Variants in PTPRQ observed in about 807,000 individuals in gnomAD.
The protein encoded by PTPRQ is protein tyrosine phosphatase receptor type Q.
In PTPRQ, 199 loss-of-function variants were observed where a neutral mutation model predicts 246.0. The observed-to-expected ratio is 0.81, with a 90% CI of 0.72 to 0.91. The LOEUF is 0.91. PTPRQ is among the 40% of genes least tolerant of loss of function. PTPRQ has a pLI of 0.00. For synonymous variants in PTPRQ, 869 were observed against 853.2 expected, an observed-to-expected ratio of 1.02 and a Z score of -0.32; for missense variants, 2,624 against 2,528.4, an observed-to-expected ratio of 1.04 and a Z score of -0.81.
At chr12:80,475,032 C>G (rs1043845119) in intron 8 of PTPRQ, among the ~76,000 whole-genome samples, 1 of 152,116 alleles carries the variant, frequency 6.6e-6, no homozygotes, top group African/African-American at 2.4e-5. Context: ...TCAAAATATA[C>G]TTCTAAAGAA....
chr12:80,463,688 C>G (rs1378366906), intron 6 of PTPRQ, among the ~76,000 whole-genome samples: 2 of 151,564 alleles, frequency 1.3e-5, no homozygotes, highest in Non-Finnish European at 2.9e-5. Context: ...ACCCTAGAAG[C>G]CAGAAGAGAG....
At chr12:80,558,168 C>CTTTTCTTTTCTTTTCTTTTCTTTTCT (rs71094987) in intron 25 of PTPRQ, among the ~76,000 whole-genome samples, 3 of 35,226 alleles carry the variant, frequency 8.5e-5, no homozygotes, top group South Asian at 1.4e-3. Flanking sequence ...CTTTTCTTTT[C>CTTTTCTTTTCTTTTCTTTTCTTTTCT]TTTCTTTTCT....
chr12:80,616,142 TAC>T (rs956055760), intron 29 of PTPRQ, 56 bp from the exon 30 acceptor site: 58 of 1,225,564 alleles, frequency 4.7e-5, no homozygotes, highest in South Asian at 1.2e-4. Flanking sequence ...TATATATATA[TAC>T]ACACACATAC....
intron 24 of PTPRQ, chr12:80,546,913 A>T (rs1403940816): frequency 2.2e-6 from 1 of 454,766 alleles, no homozygotes; most frequent in African/African-American, 2.1e-5. Context: ...CCTTTTGAAC[A>T]GAGGAAGTTG....
intron 8 of PTPRQ, among the ~76,000 whole-genome samples, chr12:80,475,673 G>GT (rs1893788302): frequency 1.3e-5 from 2 of 151,870 alleles, no homozygotes; most frequent in South Asian, 4.1e-4. Flanking sequence ...AAAAAGATAA[G>GT]TTTATAGTCA....
intron 25 of PTPRQ, among the ~76,000 whole-genome samples, chr12:80,553,117 AATTCATT>A (rs941869466): frequency 6.6e-6 from 1 of 152,084 alleles, no homozygotes; most frequent in Non-Finnish European, 1.5e-5. Context: ...TTTCTTCTAA[AATTCATT>A]ATTTTTCATA....
intron 25 of PTPRQ, among the ~76,000 whole-genome samples, chr12:80,557,975 C>T (rs1009200273): frequency 1.3e-5 from 2 of 151,904 alleles, no homozygotes; most frequent in Non-Finnish European, 2.9e-5. Flanking sequence ...AAGTATGTAA[C>T]CTTTTTTACC....
intron 8 of PTPRQ, among the ~76,000 whole-genome samples, chr12:80,481,521 C>T (rs1894057041): frequency 1.3e-5 from 2 of 151,982 alleles, no homozygotes; most frequent in Non-Finnish European, 2.9e-5. Context: ...GAAGTTCTGC[C>T]CAGGGCAATT....
At chr12:80,646,860 A>G (rs1416139660) in intron 35 of PTPRQ, among the ~76,000 whole-genome samples, 1 of 152,228 alleles carries the variant, frequency 6.6e-6, no homozygotes, top group Non-Finnish European at 1.5e-5. Flanking sequence ...ACTTAAAACA[A>G]AAAAATGTAT....
chr12:80,642,956 A>T (rs556401514), intron 35 of PTPRQ, among the ~76,000 whole-genome samples: 6 of 148,762 alleles, frequency 4.0e-5, no homozygotes, highest in African/African-American at 1.5e-4. Context: ...ACAATTGAGT[A>T]TCTCTCAAGT....
chr12:80,445,746 G>C (rs919038441), intron 3 of PTPRQ, 29 bp downstream of exon 3: 1 of 1,360,054 alleles, frequency 7.4e-7, no homozygotes, highest in African/African-American at 1.4e-5. Context: ...ACTACTTAGT[G>C]TTCAAACATT....
chr12:80,585,586 CCAGT>C (rs149449957), intron 25 of PTPRQ, among the ~76,000 whole-genome samples: 5 of 152,238 alleles, frequency 3.3e-5, no homozygotes, highest in Admixed American at 6.5e-5. Flanking sequence ...GTAGCTTGTA[CCAGT>C]CACTCAGTCC....
chr12:80,532,686 G>A (rs952975134), intron 17 of PTPRQ, among the ~76,000 whole-genome samples: 1 of 152,040 alleles, frequency 6.6e-6, no homozygotes, highest in Non-Finnish European at 1.5e-5. Context: ...CTCTCCTCTG[G>A]TCTCAATGGA....
At chr12:80,498,426 T>C (rs4485172) in intron 14 of PTPRQ, among the ~76,000 whole-genome samples, 136,146 of 152,092 alleles carry the variant, frequency 0.9, 61,502 homozygotes, top group Non-Finnish European at 0.93. Flanking sequence ...ATACCAGGCC[T>C]TACTGGGGAT....
chr12:80,532,881 GCTTC>G (rs1174410846), intron 17 of PTPRQ, among the ~76,000 whole-genome samples: 1 of 152,122 alleles, frequency 6.6e-6, no homozygotes, highest in Non-Finnish European at 1.5e-5. Flanking sequence ...ATAACTTGGT[GCTTC>G]TGTGGCAGTA....
chr12:80,520,930 C>T (rs938634660), intron 17 of PTPRQ, among the ~76,000 whole-genome samples: 16 of 151,814 alleles, frequency 1.1e-4, no homozygotes, highest in East Asian at 5.8e-4. Flanking sequence ...CCTGAGGAAT[C>T]GCCACACTGA....
rs753987787 is a variant in PTPRQ at position 80,479,915 on chromosome 12, T to A, written c.1187-4518T>A. Among the ~76,000 whole-genome samples the A allele has an allele frequency of 7.2e-3, 1,086 of 150,926 alleles. 5 individuals carry two copies. Among genetic ancestry groups the A allele is most frequent in the Middle Eastern group, 0.024 (7 of 288 alleles). On this transcript the variant is annotated intron_variant, in intron 8 of 44. Transcript: ENST00000644991. ...ACAAAGAGACTTAGACTCCCACACA[T>A]TAATAATGGGAGACTTTAACACCCC...
At position 80,459,488 on chromosome 12, in the gene PTPRQ, G is replaced by A; in HGVS notation, c.660+5G>A. On this transcript the variant is annotated splice_donor_5th_base_variant and intron_variant, in intron 5 of 44. Transcript: ENST00000644991. The stretch of plus-strand genomic sequence containing the variant: ...GGGAAATTGCCAGAATGCAATGTAA[G>A]TATCACAGAACACTTTCTATGTCTT... 1 of 398,270 alleles carries A rather than the reference G, an allele frequency of 2.5e-6. No homozygotes were observed. Among genetic ancestry groups the A allele is most frequent in the Non-Finnish European group, 4.4e-6 (1 of 225,910 alleles). The allele number at this position is 398,270 out of a possible 1,614,324, so 24.7% of individuals were successfully genotyped here.
At chr12:80,581,013 A>G in intron 25 of PTPRQ, among the ~76,000 whole-genome samples, 1 of 152,188 alleles carries the variant, frequency 6.6e-6, no homozygotes, top group East Asian at 1.9e-4. Flanking sequence ...CTGTGTAGCA[A>G]AATTTGCTAG....
Sources: allele counts gnomAD v4.1 joint callset (sites outside exome capture counted in the v4.1 genomes callset), GRCh38; gene constraint gnomAD v4.1.1; transcripts MANE v1.5; gene names NCBI Gene and HGNC (gene_info 2026-07-23, HGNC 2026-07-21).